Variants in ABHD6 observed in about 807,000 individuals in gnomAD.
ABHD6 encodes abhydrolase domain containing 6, acylglycerol lipase.
A neutral mutation model predicts 38.8 loss-of-function variants in ABHD6; 33 were observed. The ratio of observed to expected loss-of-function variants is 0.85; its 90% CI spans 0.64 to 1.14. The LOEUF (loss-of-function observed/expected upper bound fraction) is 1.14. ABHD6 is among the 50% of genes most tolerant of loss of function. The probability of loss-of-function intolerance (pLI) is 0.00; values close to 1 mark genes in which losing one functional copy is unlikely to be tolerated. For missense variants in ABHD6, 380 were observed against 422.6 expected, an observed-to-expected ratio of 0.90 and a Z score of 0.88; for synonymous variants, 147 against 161.6, an observed-to-expected ratio of 0.91 and a Z score of 0.69.
intron 9 of ABHD6, among the ~76,000 whole-genome samples, chr3:58,291,051 G>A (rs375351384): frequency 6.7e-5 from 10 of 149,826 alleles, no homozygotes; most frequent in South Asian, 2.2e-4. Context: ...AGGTTGTAGC[G>A]AGCCGAGATC....
intron 7 of ABHD6, 87 bp downstream of exon 7, chr3:58,274,902 C>T (rs2097447742): frequency 6.9e-7 from 1 of 1,457,522 alleles, no homozygotes. Flanking sequence ...CCTCCTTCAC[C>T]TACTCATTGA....
At chr3:58,246,204 G>A (rs1354386110) in intron 1 of ABHD6, among the ~76,000 whole-genome samples, 1 of 152,178 alleles carries the variant, frequency 6.6e-6, no homozygotes, top group Non-Finnish European at 1.5e-5. Context: ...GTTTTATCCA[G>A]CAGGAGACTG....
intron 7 of ABHD6, among the ~76,000 whole-genome samples, chr3:58,284,009 A>T (rs1489081172): frequency 6.6e-6 from 1 of 152,214 alleles, no homozygotes; most frequent in African/African-American, 2.4e-5. Context: ...CAGTCAGTGC[A>T]CAGGACTCCT....
chr3:58,278,154 T>C (rs549427577), intron 7 of ABHD6, among the ~76,000 whole-genome samples: 1 of 152,324 alleles, frequency 6.6e-6, no homozygotes, highest in South Asian at 2.1e-4. Flanking sequence ...CTTTATTGAT[T>C]GGAATCGTTT....
At chr3:58,282,781 G>A (rs1575529987) in intron 7 of ABHD6, among the ~76,000 whole-genome samples, 1 of 152,258 alleles carries the variant, frequency 6.6e-6, no homozygotes, top group East Asian at 1.9e-4. Context: ...ATATTCTGAA[G>A]AGTAGAAGGG....
At position 58,293,227 on chromosome 3, in the gene ABHD6, C is replaced by T. The variant is rs1055319259; in HGVS notation, c.838-362C>T. Among the ~76,000 whole-genome samples, 1 of 152,154 alleles carries T rather than the reference C, an allele frequency of 6.6e-6. No individual in the cohort carries two copies. The highest frequency in any genetic ancestry group is 1.5e-5 in the Non-Finnish European group (1 of 68,026). ...CATCCGTGAATGCTCCTCCCCTGTC[C>T]CCTTTCTGCTCTCCCGGGACTCAGG... On this transcript the variant is annotated intron_variant, in intron 9 of 9. Coordinates refer to ENST00000478253, the MANE Select transcript of ABHD6 (RefSeq NM_001320126.2). This position sits in a 1 kb window ranked among gnomAD's most constrained non-coding sequence, Gnocchi z 4.4.
At chr3:58,274,611 TAAG>T in intron 6 of ABHD6, 44 bp from the exon 7 acceptor site, 2 of 1,584,554 alleles carry the variant, frequency 1.3e-6, no homozygotes, top group Non-Finnish European at 1.7e-6. Flanking sequence ...ATGGGATTGG[TAAG>T]AAGGTGGATG....
chr3:58,284,856 A>G (rs2097455796), intron 7 of ABHD6, among the ~76,000 whole-genome samples: 2 of 152,138 alleles, frequency 1.3e-5, no homozygotes, highest in Non-Finnish European at 2.9e-5. Flanking sequence ...CAGTTTCACG[A>G]TATTACCCAA....
chr3:58,256,630 C>A lies in ABHD6; in HGVS notation c.44C>A (p.Thr15Lys), dbSNP rs149534483. The change falls in exon 3 of 10, where the codon ACG becomes AAG. Residue 15 changes from threonine to lysine, a missense_variant. By Grantham distance (78) the Thr-to-Lys change is moderately conservative. Coordinates refer to ENST00000478253, the MANE Select transcript of ABHD6 (RefSeq NM_001320126.2). This position sits in a 1 kb window ranked among gnomAD's most constrained non-coding sequence, Gnocchi z 4.3. Reference protein sequence around the residue: ...VVNMFVIAGGTLAIPILAFVA... With the variant: ...VVNMFVIAGGKLAIPILAFVA... ...AACATGTTTGTGATTGCGGGCGGCACGCTGGCCATCCCAATCCTGGCATTT... is the reference window on the plus strand; with the variant it reads ...AACATGTTTGTGATTGCGGGCGGCAAGCTGGCCATCCCAATCCTGGCATTT... 9 of 1,613,856 alleles carry A rather than the reference C, an allele frequency of 5.6e-6. No homozygotes were observed. In the African/African-American group the frequency reaches 1.2e-4, roughly 22 times the overall value.
intron 7 of ABHD6, among the ~76,000 whole-genome samples, chr3:58,279,874 T>A (rs1246901989): frequency 6.6e-6 from 1 of 152,202 alleles, no homozygotes; most frequent in African/African-American, 2.4e-5. Context: ...GATATGAAAT[T>A]CTGGGTTGAA....
rs2097464713 is a variant in ABHD6, at chr3:58,293,372, A to G, written c.838-217A>G. On this transcript the variant is annotated intron_variant, in intron 9 of 9. Transcript: ENST00000478253. The surrounding 1 kb of genome is among the most constrained non-coding windows in gnomAD (Gnocchi z 4.4). ...ACCTCAGTATTGCTGACATCAGCCC[A>G]ACTCCTGGCACAGAGTTGCAGAATA... Among the ~76,000 whole-genome samples the G allele has an allele frequency of 6.6e-6, 1 of 152,210 alleles. No individual in the cohort carries two copies. Among genetic ancestry groups the G allele is most frequent in the Non-Finnish European group, 1.5e-5 (1 of 68,042 alleles).
intron 1 of ABHD6, among the ~76,000 whole-genome samples, chr3:58,248,698 CAAA>C (rs780874925): frequency 2.0e-5 from 3 of 150,850 alleles, no homozygotes; most frequent in Non-Finnish European, 4.4e-5. Flanking sequence ...AACTCTATCT[CAAA>C]GAAAAAAAAA....
chr3:58,239,251 G>A (rs2097421192), intron 1 of ABHD6, among the ~76,000 whole-genome samples: 1 of 152,092 alleles, frequency 6.6e-6, no homozygotes, highest in South Asian at 2.1e-4. Context: ...GCACTAATTT[G>A]TTTTTCTCAG....
intron 1 of ABHD6, among the ~76,000 whole-genome samples, chr3:58,240,982 T>G (rs2097422411): frequency 6.6e-6 from 1 of 152,018 alleles, no homozygotes; most frequent in Admixed American, 6.6e-5. Context: ...TGCCCGCCTC[T>G]ACCTCCCAAA....
chr3:58,251,759 G>C lies in ABHD6; in HGVS notation c.-26+1817G>C, dbSNP rs1575515452. Among the ~76,000 whole-genome samples, 1 of 152,162 alleles carries C rather than the reference G, an allele frequency of 6.6e-6. No individual in the cohort carries two copies. The highest frequency in any genetic ancestry group is 1.5e-5 in the Non-Finnish European group (1 of 68,032). On this transcript the variant is annotated intron_variant, in intron 2 of 9. Transcript: ENST00000478253. This position sits in a 1 kb window ranked among gnomAD's most constrained non-coding sequence, Gnocchi z 5.4. ...TGCCTGCTTCACACTGTGCCGCAGT[G>C]TCTTTAACCCTGGGGTGCCTCACTT...
Position 58,290,070 on chromosome 3 carries a change from G to T in ABHD6, c.838-3519G>T, listed in dbSNP as rs9848379. Among the ~76,000 whole-genome samples, 541 of 132,578 alleles carry T rather than the reference G, an allele frequency of 4.1e-3. 11 individuals carry two copies. Among genetic ancestry groups the T allele is most frequent in the African/African-American group, 0.016 (513 of 31,800 alleles). The allele number at this position is 132,578 out of a possible 152,430, so 87.0% of individuals were successfully genotyped here. A position where few individuals can be genotyped will look rare whatever the true frequency, so the allele number is the denominator to read the frequency against. On this transcript the variant is annotated intron_variant, in intron 9 of 9. Transcript: ENST00000478253. ...CATCCCCACCTCCCTCCCGGACGGG[G>T]CGGCTGGCCGGGCAGAGAGGCTCCT... is the stretch of plus-strand genomic sequence containing the variant.
chr3:58,270,113 G>C (rs575702633), intron 5 of ABHD6, among the ~76,000 whole-genome samples: 41 of 152,280 alleles, frequency 2.7e-4, no homozygotes, highest in African/African-American at 9.4e-4. Flanking sequence ...TAGAATGCTG[G>C]ATAGTTGGGT....
intron 9 of ABHD6, among the ~76,000 whole-genome samples, chr3:58,286,503 G>GTAAAA (rs2097457119): frequency 3.3e-5 from 5 of 152,004 alleles, no homozygotes; most frequent in African/African-American, 1.2e-4. Context: ...TAAAGGGCCA[G>GTAAAA]ATGGTAAACA....
intron 1 of ABHD6, among the ~76,000 whole-genome samples, chr3:58,244,624 C>T (rs1004706057): frequency 5.3e-5 from 8 of 151,872 alleles, no homozygotes; most frequent in Admixed American, 2.6e-4. Context: ...ATTAGCTGGG[C>T]GTGGTGGTGC....
Sources: gnomAD v4.1 joint callset for allele counts (sites outside exome capture counted in the v4.1 genomes callset) on GRCh38, gnomAD v4.1.1 for gene constraint, Gnocchi (gnomAD v3.1) non-coding constraint, MANE v1.5 for transcripts, NCBI Gene and HGNC (gene_info 2026-07-23, HGNC 2026-07-21) for gene names.